The following TJP2 variants were observed in gnomAD, a reference collection of about 807,000 sequenced individuals.
TJP2 encodes the protein tight junction protein 2.
Under a neutral mutation model 133.1 loss-of-function variants are expected in TJP2, and 91 were observed. The observed-to-expected ratio is 0.68, with a 90% CI of 0.58 to 0.81. The LOEUF is 0.81. Among genes scored for constraint, TJP2 ranks in the 40% least tolerant of loss-of-function variants. The pLI, the probability that TJP2 is intolerant of heterozygous loss-of-function variation, is 0.00. For missense variants in TJP2, 1,541 were observed against 1,565.6 expected (o/e 0.98, Z 0.26); for synonymous variants, 592 against 583.4 (o/e 1.01, Z -0.21).
chr9:69,242,968 AC>A (rs1285881451), intron 17 of TJP2, among the ~76,000 whole-genome samples: 2 of 152,148 alleles, frequency 1.3e-5, no homozygotes, highest in Admixed American at 6.5e-5. Context: ...GGCTCAAGGC[AC>A]CTTCCCTCCT....
At chr9:69,229,934 A>G (rs1411792022) in intron 10 of TJP2, 148 bp from the exon 11 acceptor site, 1 of 972,078 alleles carries the variant, frequency 1.0e-6, no homozygotes, top group African/African-American at 1.6e-5. Context: ...ATTGTAGGAT[A>G]TATGAGATAG....
intron 1 of TJP2, among the ~76,000 whole-genome samples, chr9:69,137,304 CTTTTCTTTTCT>C (rs1564372776): frequency 0.039 from 3,041 of 77,882 alleles, 57 homozygotes; most frequent in East Asian, 0.062. Context: ...TCTTTCTTTT[CTTTTCTTTTCT>C]TTTCTTTTCT....
rs1042925063 is a variant in TJP2 at position 69,179,249 on chromosome 9, T to A, written c.60+4817T>A. On this transcript the variant is annotated intron_variant, in intron 1 of 22. Coordinates refer to ENST00000377245, the MANE Select transcript of TJP2 (RefSeq NM_004817.4). ...ATTTAAAATCAGCACAGATGTTTGT[T>A]TAGTGCCTCTGCCAGATGGTTAAAG... Among the ~76,000 whole-genome samples the A allele has an allele frequency of 2.0e-5, 3 of 152,364 alleles. No individual in the cohort carries two copies. The East Asian group carries it at 5.8e-4, about 29-fold the overall frequency.
At chr9:69,132,491 A>T (rs555607678) in intron 1 of TJP2, among the ~76,000 whole-genome samples, 2 of 152,262 alleles carry the variant, frequency 1.3e-5, no homozygotes, top group South Asian at 4.1e-4. Flanking sequence ...GAGAAGGTGG[A>T]AGGAAGTGAA....
rs1040208481 is a variant in TJP2 at position 69,174,327 on chromosome 9, G to T, written c.-46G>T. ...AGGAGTAGGAGCAGGAGCAGAAGCA[G>T]AAGCGGGGTCCGGAGCTGCGCGCCT... On this transcript the variant is annotated 5_prime_UTR_variant, in exon 1 of 23. Transcript: ENST00000377245. The T allele has an allele frequency of 1.3e-6, 2 of 1,550,898 alleles. No individual in the cohort carries two copies. Among genetic ancestry groups the T allele is most frequent in the African/African-American group, 1.4e-5 (1 of 73,042 alleles).
intron 2 of TJP2, among the ~76,000 whole-genome samples, chr9:69,213,899 A>G (rs1828141353): frequency 6.6e-6 from 1 of 152,166 alleles, no homozygotes; most frequent in African/African-American, 2.4e-5. Context: ...TTAATAGACA[A>G]CACCCCCAAC....
chr9:69,251,364 G>C lies in TJP2; in HGVS notation c.3321G>C (p.Arg1107Ser). 1.9e-6 allele frequency: 3 copies of C among 1,612,640 alleles called. No individual in the cohort carries two copies. Among genetic ancestry groups the C allele is most frequent in the Non-Finnish European group, 2.5e-6 (3 of 1,179,780 alleles). The change falls in exon 21 of 23, where the codon AGG becomes AGC. Residue 1107 changes from arginine (R) to serine (S), a missense_variant and splice_region_variant. By Grantham distance (110) the Arg-to-Ser change is moderately radical. Coordinates refer to ENST00000377245, the MANE Select transcript of TJP2 (RefSeq NM_004817.4). ...MQELQEAQNARIEIAQKHPDI... is the reference protein window; with the variant it reads ...MQELQEAQNASIEIAQKHPDI... ...AGCTCCAGGAAGCACAGAATGCAAG[G>C]GTAATTGTTTTTAAACTACACATCA...
At chr9:69,171,568 A>T (rs1824682781), upstream of TJP2, among the ~76,000 whole-genome samples, 1 of 151,352 alleles carries the variant, frequency 6.6e-6, no homozygotes, top group Non-Finnish European at 1.5e-5. Context: ...ACTCATTCCG[A>T]CCTCTCCTTT....
At chr9:69,145,857 T>C (rs1020931020) in intron 1 of TJP2, 2 of 1,197,128 alleles carry the variant, frequency 1.7e-6, no homozygotes, top group Non-Finnish European at 2.1e-6. Flanking sequence ...ACTATAGATG[T>C]AAATACTTTT....
chr9:69,197,087 C>G (rs10481782), intron 1 of TJP2, among the ~76,000 whole-genome samples: 141,175 of 152,012 alleles, frequency 0.93, 65,552 homozygotes, highest in Middle Eastern at 0.95. Flanking sequence ...TCCTGCTTCA[C>G]CCTCCCCAGC....
chr9:69,134,947 G>C (rs1434844014), intron 1 of TJP2, among the ~76,000 whole-genome samples: 2 of 148,436 alleles, frequency 1.3e-5, no homozygotes, highest in Non-Finnish European at 3.0e-5. Flanking sequence ...AGAGAGAAGA[G>C]GAGAGAGAGA....
chr9:69,221,512 G>T lies in TJP2; in HGVS notation c.952+16G>T. On this transcript the variant is annotated intron_variant, in intron 5 of 22. Coordinates refer to ENST00000377245, the MANE Select transcript of TJP2 (RefSeq NM_004817.4). ...GCGAACGAAGGTAGGCATGCTTGAT[G>T]TGGGAAGAAAAGCACTGTTGTGATA... 6.3e-7 allele frequency: 1 copy of T among 1,599,004 alleles called. No homozygotes were observed. Among genetic ancestry groups the T allele is most frequent in the Admixed American group, 1.7e-5 (1 of 58,092 alleles).
intron 1 of TJP2, among the ~76,000 whole-genome samples, chr9:69,137,521 C>G (rs1822831550): frequency 6.6e-6 from 1 of 151,528 alleles, no homozygotes; most frequent in African/African-American, 2.4e-5. Context: ...CACCACCAGG[C>G]CCGGCCAATT....
Position 69,254,368 on chromosome 9 carries a change from A to G in TJP2, c.3567A>G (p.Glu1189=). 6.2e-7 allele frequency: 1 copy of G among 1,614,196 alleles called. No homozygotes were observed. Among genetic ancestry groups the G allele is most frequent in the Non-Finnish European group, 8.5e-7 (1 of 1,180,040 alleles). ...AGTCTGCCCGATACCGGGACACAGAATTATAGATGTCTGAGCACGGACTCT... is the reference window on the plus strand; with the variant it reads ...AGTCTGCCCGATACCGGGACACAGAGTTATAGATGTCTGAGCACGGACTCT... The part of the protein sequence containing the change: ...YGQSARYRDT[E]L Residue 1189 remains glutamate, a synonymous_variant, in exon 23 of 23, where the codon GAA becomes GAG. Transcript: ENST00000377245.
intron 2 of TJP2, among the ~76,000 whole-genome samples, chr9:69,156,553 A>G (rs1478746794): frequency 1.5e-4 from 16 of 103,486 alleles, no homozygotes; most frequent in African/African-American, 6.2e-4. Context: ...TTTTTTTGAG[A>G]CGGAGTCTCG....
chr9:69,229,888 T>TA (rs1433221894), intron 10 of TJP2, among the ~76,000 whole-genome samples, 194 bp from the exon 11 acceptor site: 1 of 152,226 alleles, frequency 6.6e-6, no homozygotes, highest in Non-Finnish European at 1.5e-5. Flanking sequence ...ACCAGGGACC[T>TA]ACTGATACTC....
rs1828814817 is a variant in TJP2 at position 69,221,237 on chromosome 9, A to G, written c.693A>G (p.Pro231=). 6.2e-7 allele frequency: 1 copy of G among 1,607,062 alleles called. No individual in the cohort carries two copies. Among genetic ancestry groups the G allele is most frequent in the Non-Finnish European group, 8.5e-7 (1 of 1,177,202 alleles). Residue 231 remains proline (P), a synonymous_variant, in exon 5 of 23, where the codon CCA becomes CCG. Transcript: ENST00000377245. ...LERGLDHDFG[P]SRDRDRDRSR... is the part of the protein sequence containing the mutation. The stretch of plus-strand genomic sequence containing the variant: ...GGGGCCTGGACCACGACTTTGGGCC[A>G]TCCCGGGACCGGGACCGTGACCGCA...
chr9:69,225,376 G>A lies in TJP2; in HGVS notation c.1025G>A (p.Gly342Asp). The A allele has an allele frequency of 6.2e-7, 1 of 1,613,732 alleles. No individual in the cohort carries two copies. Among genetic ancestry groups the A allele is most frequent in the Non-Finnish European group, 8.5e-7 (1 of 1,179,800 alleles). Reference protein sequence around the residue: ...MTRTGLATKDGNLHEGDIILK... With the variant: ...MTRTGLATKDDNLHEGDIILK... ...CGAACGGGTCTGGCAACTAAAGATG[G>A]CAACCTTCACGAAGGAGACATAATT... The change falls in exon 6 of 23, where the codon GGC becomes GAC. Residue 342 changes from glycine to aspartate, a missense_variant. Physicochemically the swap from Gly to Asp is moderately conservative, Grantham distance 94. Coordinates refer to ENST00000377245, the MANE Select transcript of TJP2 (RefSeq NM_004817.4).
At chr9:69,249,712 C>T (rs1831192540) in intron 20 of TJP2, 1 of 985,392 alleles carries the variant, frequency 1.0e-6, no homozygotes. Flanking sequence ...GATTTTAGGA[C>T]TGTTAGTGTT....
Sources: gnomAD v4.1 joint callset for allele counts (sites outside exome capture counted in the v4.1 genomes callset) on GRCh38, gnomAD v4.1.1 for gene constraint, MANE v1.5 for transcripts, NCBI Gene and HGNC (gene_info 2026-07-23, HGNC 2026-07-21) for gene names.